FAS: variants seen among roughly 807,000 people sequenced by gnomAD.
FAS encodes tumor necrosis factor receptor superfamily member 6.
In FAS, 5 loss-of-function variants were observed where a neutral mutation model predicts 33.2. The observed-to-expected ratio is 0.15, with a 90% CI of 0.08 to 0.32. The LOEUF (loss-of-function observed/expected upper bound fraction) is 0.32. Among genes scored for constraint, FAS ranks in the 10% least tolerant of loss-of-function variants. FAS has a pLI of 1.00. For missense variants in FAS, 339 were observed against 386.0 expected (o/e 0.88, Z 1.02); for synonymous variants, 131 against 130.7 (o/e 1.00, Z -0.01).
chr10:88,971,228 A>G (rs1243074576), intron 1 of FAS, among the ~76,000 whole-genome samples: 1 of 152,248 alleles, frequency 6.6e-6, no homozygotes, highest in Non-Finnish European at 1.5e-5. Flanking sequence ...TGCTACTTAA[A>G]TGAGTATCTC....
At chr10:88,993,344 A>G (rs955419136) in intron 1 of FAS, among the ~76,000 whole-genome samples, 2 of 151,872 alleles carry the variant, frequency 1.3e-5, no homozygotes. Flanking sequence ...TTATTGGCCA[A>G]GAAACTTGAG....
chr10:88,977,722 T>C (rs1183180267), intron 2 of FAS, among the ~76,000 whole-genome samples: 2 of 147,818 alleles, frequency 1.4e-5, no homozygotes, highest in African/African-American at 2.5e-5. Context: ...CCAGTTAGAA[T>C]GGCAATCATT....
At chr10:89,001,170 G>T (rs1306316964) in intron 1 of FAS, among the ~76,000 whole-genome samples, 1 of 151,834 alleles carries the variant, frequency 6.6e-6, no homozygotes. Flanking sequence ...GTGTGATGCT[G>T]TGCTCAAAAT....
At chr10:88,988,723 C>T (rs1279087719), upstream of FAS, among the ~76,000 whole-genome samples, 1 of 152,088 alleles carries the variant, frequency 6.6e-6, no homozygotes, top group East Asian at 1.9e-4. Context: ...CCCCAGAACA[C>T]CAGCATTCAT....
intron 1 of FAS, among the ~76,000 whole-genome samples, chr10:88,992,030 C>A (rs971322189): frequency 2.0e-5 from 3 of 152,130 alleles, no homozygotes; most frequent in African/African-American, 7.2e-5. Flanking sequence ...AACCACATCC[C>A]CATTTTACAG....
intron 1 of FAS, 126 bp downstream of exon 1, chr10:88,991,032 C>A: frequency 7.7e-7 from 1 of 1,295,198 alleles, no homozygotes; most frequent in East Asian, 2.5e-5. Flanking sequence ...CTGGGAGCGG[C>A]GGGCTGCTGC....
intron 3 of FAS, among the ~76,000 whole-genome samples, chr10:89,008,261 A>G (rs12720435): frequency 0.04 from 6,163 of 152,264 alleles, 212 homozygotes; most frequent in Admixed American, 0.12. Flanking sequence ...TTGTCCTGAT[A>G]ATTCCATCTG....
intron 2 of FAS, among the ~76,000 whole-genome samples, 177 bp from the exon 3 acceptor site, chr10:89,007,523 G>A (rs1848296991): frequency 6.6e-6 from 1 of 151,892 alleles, no homozygotes; most frequent in African/African-American, 2.4e-5. Context: ...GAGACTTTCT[G>A]TCTGTTGACA....
At chr10:89,006,327 G>GT (rs1242396244) in intron 2 of FAS, among the ~76,000 whole-genome samples, 1 of 152,086 alleles carries the variant, frequency 6.6e-6, no homozygotes, top group Non-Finnish European at 1.5e-5. Context: ...TCTCCAGTTT[G>GT]TTTTTTACTA....
intron 2 of FAS, among the ~76,000 whole-genome samples, chr10:88,980,081 C>A (rs1173240919): frequency 1.3e-5 from 2 of 152,198 alleles, no homozygotes; most frequent in Non-Finnish European, 2.9e-5. Context: ...AATTTTATTT[C>A]ATTTATTAAT....
At chr10:89,009,043 G>A (rs1848393751) in intron 4 of FAS, 46 bp downstream of exon 4, 2 of 1,481,480 alleles carry the variant, frequency 1.3e-6, no homozygotes, top group African/African-American at 1.4e-5. Context: ...TATAACATGA[G>A]AGTTATCATT....
rs1848814797 is a variant in FAS, at chr10:89,016,591, C to CGGGG, written c.*2141_*2142insGGGG. The CGGGG allele has an allele frequency of 4.4e-6, 1 of 224,858 alleles. No individual in the cohort carries two copies. The highest frequency in any genetic ancestry group is 1.8e-4 in the South Asian group (1 of 5,474). 13.9% of individuals were successfully genotyped at this position (224,858 alleles called of 1,614,324 possible). A position where few individuals can be genotyped will look rare whatever the true frequency, so the allele number is the denominator to read the frequency against. On this transcript the variant is annotated 3_prime_UTR_variant, in exon 9 of 9. Coordinates refer to ENST00000652046, the MANE Select transcript of FAS (RefSeq NM_000043.6). ...TGTGGTTTTTTTCCTCATGGCTTCA[C>CGGGG]CTAGTGGCCCCAAGCATGACTTCTC... is the stretch of plus-strand genomic sequence containing the variant.
intron 4 of FAS, among the ~76,000 whole-genome samples, chr10:89,009,444 G>C (rs1189642847): frequency 6.6e-6 from 1 of 152,212 alleles, no homozygotes; most frequent in African/African-American, 2.4e-5. Flanking sequence ...GGTGCACATG[G>C]ATGGAATGCA....
intron 2 of FAS, among the ~76,000 whole-genome samples, chr10:88,980,659 C>T (rs2133347113): frequency 6.6e-6 from 1 of 152,290 alleles, no homozygotes; most frequent in South Asian, 2.1e-4. Flanking sequence ...GGATCTTAGA[C>T]TTAAGCTCAA....
At chr10:88,976,035 T>C (rs1256932294) in intron 2 of FAS, among the ~76,000 whole-genome samples, 1 of 152,212 alleles carries the variant, frequency 6.6e-6, no homozygotes, top group East Asian at 1.9e-4. Context: ...TTATGTCCCA[T>C]CCCGATTAGG....
At chr10:88,984,771 A>T (rs1444267446), upstream of FAS, among the ~76,000 whole-genome samples, 1 of 152,224 alleles carries the variant, frequency 6.6e-6, no homozygotes, top group Admixed American at 6.5e-5. Context: ...CTAGAGTGAG[A>T]GAAAGAGAGA....
chr10:89,009,441 A>G (rs976907076), intron 4 of FAS, among the ~76,000 whole-genome samples: 1 of 152,252 alleles, frequency 6.6e-6, no homozygotes, highest in Non-Finnish European at 1.5e-5. Flanking sequence ...ACAGGTGCAC[A>G]TGGATGGAAT....
At chr10:89,005,526 ACC>A (rs1848178935) in intron 2 of FAS, among the ~76,000 whole-genome samples, 2 of 152,066 alleles carry the variant, frequency 1.3e-5, no homozygotes, top group African/African-American at 4.8e-5. Flanking sequence ...ATATATACAC[ACC>A]TGTTATATAT....
At chr10:89,007,891 ACC>A in intron 3 of FAS, 54 bp downstream of exon 3, 1 of 1,610,062 alleles carries the variant, frequency 6.2e-7, no homozygotes, top group Non-Finnish European at 8.5e-7. Flanking sequence ...TTCATGTAGA[ACC>A]ATTTATAAGA....
Sources: allele counts gnomAD v4.1 joint callset (sites outside exome capture counted in the v4.1 genomes callset), GRCh38; gene constraint gnomAD v4.1.1; transcripts MANE v1.5; gene names NCBI Gene and HGNC (gene_info 2026-07-23, HGNC 2026-07-21).